The following IFIT2 variants were observed in gnomAD, a reference collection of about 807,000 sequenced individuals.
IFIT2 encodes the protein interferon-induced protein with tetratricopeptide repeats 2.
IFIT2 carries 3 observed loss-of-function variants against 2.5 expected under a neutral mutation model. The ratio of observed to expected loss-of-function variants is 1.21; its 90% CI spans 0.55 to 3.14. The LOEUF (loss-of-function observed/expected upper bound fraction) is 3.14, where lower values mean the gene tolerates loss of function less well. Ranked by LOEUF, IFIT2 falls within the 30% of genes most tolerant of loss-of-function variation. The pLI is 0.03. For missense variants in IFIT2, 493 were observed against 558.9 expected (o/e 0.88, Z 1.19); for synonymous variants, 212 against 200.7 (o/e 1.06, Z -0.48).
intron 1 of IFIT2, among the ~76,000 whole-genome samples, chr10:89,304,027 A>G (rs1843462515): frequency 6.6e-6 from 1 of 152,220 alleles, no homozygotes; most frequent in South Asian, 2.1e-4. Context: ...GGGTCACTAC[A>G]GTCCTACCCA....
chr10:89,302,163 T>A, intron 1 of IFIT2, 35 bp downstream of exon 1: 1 of 1,611,258 alleles, frequency 6.2e-7, no homozygotes, highest in Non-Finnish European at 8.5e-7. Context: ...GTAGTGCTGT[T>A]GAGTCATCTT....
In IFIT2 at chr10:89,306,377, G is replaced by A; in HGVS notation, c.421G>A (p.Glu141Lys). 6.2e-7 allele frequency: 1 copy of A among 1,614,180 alleles called. No individual in the cohort carries two copies. The highest frequency in any genetic ancestry group is 8.5e-7 in the Non-Finnish European group (1 of 1,180,014). The change falls in exon 2 of 2, where the codon GAG (glutamate) becomes AAG (lysine). Residue 141 changes from glutamate (E) to lysine (K), a missense_variant. Coordinates refer to ENST00000371826, the MANE Select transcript of IFIT2 (RefSeq NM_001547.5). ...YRIESPELDC[E>K]EGWTRLKCGG... ...AATTGAGAGTCCAGAGCTTGACTGT[G>A]AGGAAGGGTGGACACGGTTAAAGTG...
rs1038435927 is a variant in IFIT2 at position 89,308,155 on chromosome 10, C to G, written c.*780C>G. 2 of 152,038 alleles carry G rather than the reference C, an allele frequency of 1.3e-5. No individual in the cohort carries two copies. The highest frequency in any genetic ancestry group is 1.3e-4 in the Admixed American group (2 of 15,260). The allele number at this position is 152,038 out of a possible 1,614,324, so 9.4% of individuals were successfully genotyped here. Reference sequence around the variant, plus strand: ...TGGATTCTGTACAATACACTAGAAACCAACATAATGTATTTCTTTAAAACC... The same window carrying G: ...TGGATTCTGTACAATACACTAGAAAGCAACATAATGTATTTCTTTAAAACC... On this transcript the variant is annotated 3_prime_UTR_variant, in exon 2 of 2. Coordinates refer to ENST00000371826, the MANE Select transcript of IFIT2 (RefSeq NM_001547.5).
chr10:89,302,087 C>T lies in IFIT2; in HGVS notation c.-37C>T. The T allele has an allele frequency of 1.2e-6, 2 of 1,613,560 alleles. No homozygotes were observed. Among genetic ancestry groups the T allele is most frequent in the South Asian group, 2.2e-5 (2 of 91,050 alleles). On this transcript the variant is annotated 5_prime_UTR_variant, in exon 1 of 2. Coordinates refer to ENST00000371826, the MANE Select transcript of IFIT2 (RefSeq NM_001547.5). ...TTCTGAAGAGTGCAGCTGCCTGAACCGAGCCCTGCCGAACAGCTGAGAATT... is the reference window on the plus strand; with the variant it reads ...TTCTGAAGAGTGCAGCTGCCTGAACTGAGCCCTGCCGAACAGCTGAGAATT...
chr10:89,305,618 T>C (rs1278820770), intron 1 of IFIT2, among the ~76,000 whole-genome samples: 2 of 152,130 alleles, frequency 1.3e-5, no homozygotes, highest in Non-Finnish European at 2.9e-5. Flanking sequence ...GACTTACTTC[T>C]TTAAAACTAC....
chr10:89,306,621 T>G lies in IFIT2; in HGVS notation c.665T>G (p.Met222Arg), dbSNP rs778078515. The change falls in exon 2 of 2, where the codon ATG becomes AGG. Residue 222 changes from methionine to arginine, a missense_variant. Transcript: ENST00000371826. The stretch of plus-strand genomic sequence containing the variant: ...CTCCTGGCTCTGAAGCTTCATAAGA[T>G]GCGTGAAGAAGGTGAAGAGGAAGGT... ...KVLLALKLHKMREEGEEEGEG... is the reference protein window; with the variant it reads ...KVLLALKLHKRREEGEEEGEG... The G allele has an allele frequency of 1.9e-6, 3 of 1,614,024 alleles. No individual in the cohort carries two copies. The East Asian group carries it at 6.7e-5, about 36-fold the overall frequency.
Position 89,307,556 on chromosome 10 carries a change from G to A in IFIT2, c.*181G>A, listed in dbSNP as rs78998800. 7.6e-3 allele frequency: 4,097 copies of A among 539,670 alleles called. 148 individuals carry two copies. The highest frequency in any genetic ancestry group is 0.068 in the African/African-American group (3,619 of 53,318). The allele number at this position is 539,670 out of a possible 1,614,324, so 33.4% of individuals were successfully genotyped here. On this transcript the variant is annotated 3_prime_UTR_variant, in exon 2 of 2. Coordinates refer to ENST00000371826, the MANE Select transcript of IFIT2 (RefSeq NM_001547.5). Reference sequence around the variant, plus strand: ...GCTGGGTCTTGAGAGAGCCCAAGGAGTTCTGGGAGAGGGACCAGATTGGGG... The same window carrying A: ...GCTGGGTCTTGAGAGAGCCCAAGGAATTCTGGGAGAGGGACCAGATTGGGG...
In IFIT2 at chr10:89,307,748, G is replaced by A. The variant is rs914604456; in HGVS notation, c.*373G>A. On this transcript the variant is annotated 3_prime_UTR_variant, in exon 2 of 2. Transcript: ENST00000371826. Reference sequence around the variant, plus strand: ...TCATGTAATATTGAAGTCCATTTTTGCAATGTTGTTCCATACTTGGAGTCA... The same window carrying A: ...TCATGTAATATTGAAGTCCATTTTTACAATGTTGTTCCATACTTGGAGTCA... 1 of 184,586 alleles carries A rather than the reference G, an allele frequency of 5.4e-6. No homozygotes were observed. Among genetic ancestry groups the A allele is most frequent in the Non-Finnish European group, 1.2e-5 (1 of 85,538 alleles). The allele number at this position is 184,586 out of a possible 1,614,324, so 11.4% of individuals were successfully genotyped here.
rs543713702 is a variant in IFIT2 at position 89,306,077 on chromosome 10, C to T, written c.121C>T (p.Arg41Trp). 75 of 1,614,020 alleles carry T rather than the reference C, an allele frequency of 4.6e-5. No homozygotes were observed. Among genetic ancestry groups the T allele is most frequent in the African/African-American group, 2.5e-4 (19 of 74,996 alleles). Residue 41 changes from arginine (R) to tryptophan (W), a missense_variant, in exon 2 of 2, where the codon CGG becomes TGG. Physicochemically the swap from Arg to Trp is moderately radical, Grantham distance 101. Transcript: ENST00000371826. Reference protein sequence around the residue: ...LDDFEDKVFYRTEFQNREFKA... With the variant: ...LDDFEDKVFYWTEFQNREFKA... ...TGATTTTGAAGACAAAGTATTTTAC[C>T]GGACTGAGTTTCAGAATCGTGAATT... is the stretch of plus-strand genomic sequence containing the variant.
In IFIT2 at chr10:89,306,658, G is replaced by A. The variant is rs765141213; in HGVS notation, c.702G>A (p.Lys234=). The A allele has an allele frequency of 6.2e-7, 1 of 1,614,134 alleles. No homozygotes were observed. Among genetic ancestry groups the A allele is most frequent in the Admixed American group, 1.7e-5 (1 of 60,026 alleles). The change falls in exon 2 of 2, where the codon AAG becomes AAA. Residue 234 remains lysine, a synonymous_variant. Transcript: ENST00000371826. ...GTGAAGAGGAAGGTGAAGGAGAGAAGTTAGTTGAAGAAGCCTTGGAGAAAG... is the reference window on the plus strand; with the variant it reads ...GTGAAGAGGAAGGTGAAGGAGAGAAATTAGTTGAAGAAGCCTTGGAGAAAG... ...EEGEEEGEGE[K]LVEEALEKAP... is the part of the protein sequence containing the mutation.
rs1204535024 is a variant in IFIT2, at chr10:89,307,713, G to T, written c.*338G>T. On this transcript the variant is annotated 3_prime_UTR_variant, in exon 2 of 2. Transcript: ENST00000371826. ...CTTGTTTCTATATTTATATAAAGCA[G>T]CCAAATCCTTCATGTAATATTGAAG... The T allele has an allele frequency of 1.5e-5, 3 of 205,832 alleles. No homozygotes were observed. Among genetic ancestry groups the T allele is most frequent in the Admixed American group, 5.2e-5 (1 of 19,358 alleles). 12.8% of individuals were successfully genotyped at this position (205,832 alleles called of 1,614,324 possible).
intron 1 of IFIT2, among the ~76,000 whole-genome samples, chr10:89,303,721 C>G (rs979756091): frequency 2.0e-5 from 3 of 152,202 alleles, no homozygotes; most frequent in Non-Finnish European, 4.4e-5. Context: ...TCTATTTACT[C>G]TCTCTGTTTC....
rs769211445 is a variant in IFIT2, at chr10:89,307,327, G to A, written c.1371G>A (p.Leu457=). Residue 457 remains leucine, a synonymous_variant, in exon 2 of 2, where the codon TTG becomes TTA. Coordinates refer to ENST00000371826, the MANE Select transcript of IFIT2 (RefSeq NM_001547.5). The part of the protein sequence containing the change: ...QQADEDSERG[L]ESGSLIPSAS... ...CAGATGAAGACTCTGAGAGGGGTTTGGAGTCTGGAAGCCTCATCCCTTCAG... is the reference window on the plus strand; with the variant it reads ...CAGATGAAGACTCTGAGAGGGGTTTAGAGTCTGGAAGCCTCATCCCTTCAG... 1.6e-5 allele frequency: 25 copies of A among 1,612,370 alleles called. No homozygotes were observed. The East Asian group carries it at 5.6e-4, about 36-fold the overall frequency.
chr10:89,307,476 A>T lies in IFIT2; in HGVS notation c.*101A>T. On this transcript the variant is annotated 3_prime_UTR_variant, in exon 2 of 2. Transcript: ENST00000371826. ...TATGTAATGACTGGTATGGCAAAAG[A>T]TTGGACTAAGACACTGGCCATACCA... 1 of 957,800 alleles carries T rather than the reference A, an allele frequency of 1.0e-6. No individual in the cohort carries two copies. Among genetic ancestry groups the T allele is most frequent in the South Asian group, 1.6e-5 (1 of 61,684 alleles). 59.3% of individuals were successfully genotyped at this position (957,800 alleles called of 1,614,324 possible). A position where few individuals can be genotyped will look rare whatever the true frequency, so the allele number is the denominator to read the frequency against.
chr10:89,307,410 G>GA lies in IFIT2; in HGVS notation c.*38dup, dbSNP rs772068882. 6.6e-7 allele frequency: 1 copy of GA among 1,504,666 alleles called. No individual in the cohort carries two copies. The highest frequency in any genetic ancestry group is 9.0e-7 in the Non-Finnish European group (1 of 1,109,492). 93.2% of individuals were successfully genotyped at this position (1,504,666 alleles called of 1,614,324 possible). A position where few individuals can be genotyped will look rare whatever the true frequency, so the allele number is the denominator to read the frequency against. ...ATGTGGTGCCCACTAGGCTACTGCT[G>GA]AAAGGGAGCTGAAATTCCTCCACCA... On this transcript the variant is annotated 3_prime_UTR_variant, in exon 2 of 2. Coordinates refer to ENST00000371826, the MANE Select transcript of IFIT2 (RefSeq NM_001547.5).
In IFIT2 at chr10:89,309,006, T is replaced by G. The variant is rs1024229038; in HGVS notation, c.*1631T>G. On this transcript the variant is annotated 3_prime_UTR_variant, in exon 2 of 2. Coordinates refer to ENST00000371826, the MANE Select transcript of IFIT2 (RefSeq NM_001547.5). Reference sequence around the variant, plus strand: ...ACTGATAAATGAAACGTTACACAGGTGTGAACCAAATCCAAATAACCTCGA... The same window carrying G: ...ACTGATAAATGAAACGTTACACAGGGGTGAACCAAATCCAAATAACCTCGA... The G allele has an allele frequency of 3.3e-5, 5 of 152,234 alleles. No individual in the cohort carries two copies. Among genetic ancestry groups the G allele is most frequent in the African/African-American group, 1.2e-4 (5 of 41,470 alleles). The allele number at this position is 152,234 out of a possible 1,614,324, so 9.4% of individuals were successfully genotyped here.
Position 89,306,058 on chromosome 10 carries a change from T to A in IFIT2, c.102T>A (p.Phe34Leu). 1 of 1,614,166 alleles carries A rather than the reference T, an allele frequency of 6.2e-7. No individual in the cohort carries two copies. The highest frequency in any genetic ancestry group is 8.5e-7 in the Non-Finnish European group (1 of 1,179,992). ...AGGGAGAAAACTCCTTGGATGATTTTGAAGACAAAGTATTTTACCGGACTG... is the reference window on the plus strand; with the variant it reads ...AGGGAGAAAACTCCTTGGATGATTTAGAAGACAAAGTATTTTACCGGACTG... ...LMEGENSLDDFEDKVFYRTEF... is the reference protein window; with the variant it reads ...LMEGENSLDDLEDKVFYRTEF... The change falls in exon 2 of 2, where the codon TTT becomes TTA. Residue 34 changes from phenylalanine to leucine, a missense_variant. By Grantham distance (22) the Phe-to-Leu change is conservative. Transcript: ENST00000371826.
intron 1 of IFIT2, among the ~76,000 whole-genome samples, chr10:89,303,615 G>C (rs527562991): frequency 1.3e-5 from 2 of 152,318 alleles, no homozygotes; most frequent in South Asian, 4.1e-4. Context: ...TTAAATGGCT[G>C]CTCAAAGGGC....
chr10:89,309,049 T>G lies in IFIT2; in HGVS notation c.*1674T>G, dbSNP rs1219823749. The G allele has an allele frequency of 6.6e-6, 1 of 152,208 alleles. No homozygotes were observed. Among genetic ancestry groups the G allele is most frequent in the African/African-American group, 2.4e-5 (1 of 41,450 alleles). 9.4% of individuals were successfully genotyped at this position (152,208 alleles called of 1,614,324 possible). A position where few individuals can be genotyped will look rare whatever the true frequency, so the allele number is the denominator to read the frequency against. On this transcript the variant is annotated 3_prime_UTR_variant, in exon 2 of 2. Coordinates refer to ENST00000371826, the MANE Select transcript of IFIT2 (RefSeq NM_001547.5). ...AACCTCGACTGGTCTACTATCATAA[T>G]CACCTGAACAGAACAAAACTTTTTC...
Sources: gnomAD v4.1 joint callset for allele counts (sites outside exome capture counted in the v4.1 genomes callset) on GRCh38, gnomAD v4.1.1 for gene constraint, MANE v1.5 for transcripts, NCBI Gene and HGNC (gene_info 2026-07-23, HGNC 2026-07-21) for gene names.